Variants in KIAA1549 observed in about 807,000 individuals in gnomAD.
KIAA1549 encodes the protein KIAA1549, also known as UPF0606 protein KIAA1549.
In KIAA1549, 70 loss-of-function variants were observed where a neutral mutation model predicts 156.4. The observed-to-expected ratio is 0.45, with a 90% CI of 0.37 to 0.55. The LOEUF is 0.55. Among genes scored for constraint, KIAA1549 ranks in the 20% least tolerant of loss-of-function variants. The probability of loss-of-function intolerance (pLI) is 0.00; values close to 1 mark genes in which losing one functional copy is unlikely to be tolerated. For missense variants in KIAA1549, 2,428 were observed against 2,540.9 expected (o/e 0.96, Z 0.96); for synonymous variants, 1,103 against 1,066.4 (o/e 1.03, Z -0.67).
intron 12 of KIAA1549, among the ~76,000 whole-genome samples, chr7:138,875,549 G>C (rs927315351): frequency 6.6e-6 from 1 of 152,076 alleles, no homozygotes; most frequent in African/African-American, 2.4e-5. Context: ...GGAGGCTGAG[G>C]TGAGAGGACT....
rs1330143893 is a variant in KIAA1549 at position 138,981,209 on chromosome 7, C to T, written c.61G>A (p.Val21Ile). The change falls in exon 1 of 20, where the codon GTC becomes ATC. Residue 21 changes from valine to isoleucine, a missense_variant. By Grantham distance (29) the Val-to-Ile change is conservative. Transcript: ENST00000422774. The surrounding 1 kb of genome is among the most constrained non-coding windows in gnomAD (Gnocchi z 4.5). Reference sequence around the variant, plus strand: ...CCGCTCGGCCCCGGGGCCAGCGCGACCCCGGCGCGGGGCTTCCCCTCCATG... The same window carrying T: ...CCGCTCGGCCCCGGGGCCAGCGCGATCCCGGCGCGGGGCTTCCCCTCCATG... ...AAMEGKPRAG[V>I]ALAPGPSGRR... 7 of 1,024,654 alleles carry T rather than the reference C, an allele frequency of 6.8e-6. No individual in the cohort carries two copies. The highest frequency in any genetic ancestry group is 1.7e-5 in the African/African-American group (1 of 57,748). 63.5% of individuals were successfully genotyped at this position (1,024,654 alleles called of 1,614,324 possible). A position where few individuals can be genotyped will look rare whatever the true frequency, so the allele number is the denominator to read the frequency against.
At chr7:138,846,689 C>A (rs943535173) in intron 17 of KIAA1549, among the ~76,000 whole-genome samples, 4 of 152,066 alleles carry the variant, frequency 2.6e-5, no homozygotes, top group Admixed American at 2.6e-4. Context: ...CGCCCTCCCC[C>A]AAAAGGGTCT....
At chr7:138,961,570 G>C (rs138508866) in intron 1 of KIAA1549, among the ~76,000 whole-genome samples, 69 of 152,258 alleles carry the variant, frequency 4.5e-4, no homozygotes, top group Non-Finnish European at 7.8e-4. Context: ...ACAGCTTCCT[G>C]CTCTATTCCT....
Position 138,844,326 on chromosome 7 carries a change from C to T in KIAA1549, c.5443G>A (p.Gly1815Ser), listed in dbSNP as rs772074782. Reference protein sequence around the residue: ...PSVARPRPVGGTTGSQIQHLT... With the variant: ...PSVARPRPVGSTTGSQIQHLT... ...AAACAGCCACATATACCTGTGGTAC[C>T]CCCGACAGGCCGAGGCCGGGCCACC... is the stretch of plus-strand genomic sequence containing the variant. Residue 1815 changes from glycine to serine, a missense_variant, in exon 18 of 20, where the codon GGT becomes AGT. Physicochemically the swap from Gly to Ser is moderately conservative, Grantham distance 56. Around this residue, in one of 5 missense-constraint regions of KIAA1549, gnomAD observed 363 missense variants for 354.0 expected, o/e 1.03. Coordinates refer to ENST00000422774, the MANE Select transcript of KIAA1549 (RefSeq NM_001164665.2). 6.2e-7 allele frequency: 1 copy of T among 1,613,942 alleles called. No individual in the cohort carries two copies. The highest frequency in any genetic ancestry group is 8.5e-7 in the Non-Finnish European group (1 of 1,179,880).
At chr7:138,926,309 A>G (rs1415069056) in intron 1 of KIAA1549, among the ~76,000 whole-genome samples, 1 of 150,006 alleles carries the variant, frequency 6.7e-6, no homozygotes, top group East Asian at 1.9e-4. Context: ...TTTTTTTGAG[A>G]CAGGTTTTGT....
intron 11 of KIAA1549, among the ~76,000 whole-genome samples, chr7:138,881,008 C>T (rs964688027): frequency 6.6e-6 from 1 of 152,226 alleles, no homozygotes; most frequent in Non-Finnish European, 1.5e-5. Context: ...ACAGGCTGAG[C>T]GTGTACCATG....
At chr7:138,922,175 G>A (rs77132321) in intron 1 of KIAA1549, among the ~76,000 whole-genome samples, 3 of 152,318 alleles carry the variant, frequency 2.0e-5, no homozygotes, top group East Asian at 3.9e-4. Flanking sequence ...GCTATTGTAC[G>A]AAACGTCATC....
chr7:138,879,481 G>T, intron 12 of KIAA1549, 57 bp downstream of exon 12: 1 of 1,021,708 alleles, frequency 9.8e-7, no homozygotes, highest in Non-Finnish European at 1.5e-6. Flanking sequence ...TAAGGCCCCA[G>T]CCTTTGGACT....
chr7:138,859,091 T>C (rs899637680), intron 16 of KIAA1549, among the ~76,000 whole-genome samples: 2 of 152,038 alleles, frequency 1.3e-5, no homozygotes, highest in Non-Finnish European at 2.9e-5. Context: ...CTCGTAGTTA[T>C]GGAGGCTGGA....
At chr7:138,969,560 G>A (rs984333510) in intron 1 of KIAA1549, among the ~76,000 whole-genome samples, 30 of 152,126 alleles carry the variant, frequency 2.0e-4, no homozygotes, top group African/African-American at 4.8e-4. Context: ...TAGTTGGTAC[G>A]TATATTTATG....
At chr7:138,896,857 T>C (rs1811697789) in intron 9 of KIAA1549, among the ~76,000 whole-genome samples, 1 of 152,078 alleles carries the variant, frequency 6.6e-6, no homozygotes, top group African/African-American at 2.4e-5. Context: ...TGCCTCTATC[T>C]CCCAAAGTGC....
chr7:138,864,474 C>T (rs1458431186), intron 15 of KIAA1549, among the ~76,000 whole-genome samples: 4 of 152,130 alleles, frequency 2.6e-5, no homozygotes, highest in Non-Finnish European at 5.9e-5. Context: ...ATTTTGCAGG[C>T]GAGACTATCA....
At chr7:138,851,138 CT>C (rs1584702438) in intron 17 of KIAA1549, among the ~76,000 whole-genome samples, 1 of 152,072 alleles carries the variant, frequency 6.6e-6, no homozygotes, top group African/African-American at 2.4e-5. Flanking sequence ...TAATCTTTGT[CT>C]TTTAATTGAA....
At position 138,838,119 on chromosome 7, in the gene KIAA1549, TAGC is replaced by T. The variant is rs1276073963; in HGVS notation, c.5637_5639del (p.Leu1880del). 2.0e-6 allele frequency: 3 copies of T among 1,534,714 alleles called. No individual in the cohort carries two copies. Among genetic ancestry groups the T allele is most frequent in the Non-Finnish European group, 2.6e-6 (3 of 1,146,126 alleles). ...TGCCTGAAGTCCTTGGCACCTGAAATAGCGGTGAAGAAGAATACTCTTGATGTC... is the reference window on the plus strand; with the variant it reads ...TGCCTGAAGTCCTTGGCACCTGAAATGGTGAAGAAGAATACTCTTGATGTC... On this transcript the variant is annotated inframe_deletion, in exon 20 of 20. Transcript: ENST00000422774.
chr7:138,963,639 A>G (rs617339), intron 1 of KIAA1549, among the ~76,000 whole-genome samples: 43,653 of 152,182 alleles, frequency 0.29, 7,292 homozygotes, highest in African/African-American at 0.47. Context: ...CTCAAGGGGC[A>G]TATAAAACAA....
At chr7:138,929,038 C>A (rs1254396035) in intron 1 of KIAA1549, among the ~76,000 whole-genome samples, 1 of 152,156 alleles carries the variant, frequency 6.6e-6, no homozygotes, top group African/African-American at 2.4e-5. Context: ...TTGACGGCTG[C>A]TGGCTGATGA....
rs1034441767 is a variant in KIAA1549 at position 138,912,381 on chromosome 7, C to T, written c.2958G>A (p.Val986=). The T allele has an allele frequency of 9.3e-6, 15 of 1,613,484 alleles. 2 individuals are homozygous for T. Among genetic ancestry groups the T allele is most frequent in the East Asian group, 4.5e-5 (2 of 44,874 alleles). The change falls in exon 3 of 20, where the codon GTG becomes GTA. Residue 986 remains valine (V), a synonymous_variant. Transcript: ENST00000422774. ...AGCCACCAGGACTCACCTTCAGTTCCACTGCACGGTTGAAGTGAATCCTCA... is the reference window on the plus strand; with the variant it reads ...AGCCACCAGGACTCACCTTCAGTTCTACTGCACGGTTGAAGTGAATCCTCA... ...EVLRIHFNRA[V]ELKVYELFTD...
intron 6 of KIAA1549, among the ~76,000 whole-genome samples, chr7:138,905,524 G>C (rs978156051): frequency 6.6e-6 from 1 of 152,176 alleles, no homozygotes; most frequent in Admixed American, 6.5e-5. Context: ...AACTGAAAGC[G>C]GCTCTTTGTA....
In KIAA1549 at chr7:138,833,622, G is replaced by A. The variant is rs889348119; in HGVS notation, c.*4284C>T. 4 of 232,380 alleles carry A rather than the reference G, an allele frequency of 1.7e-5. No homozygotes were observed. The highest frequency in any genetic ancestry group is 4.4e-5 in the African/African-American group (2 of 45,278). The allele number at this position is 232,380 out of a possible 1,614,324, so 14.4% of individuals were successfully genotyped here. On this transcript the variant is annotated 3_prime_UTR_variant, in exon 20 of 20. Coordinates refer to ENST00000422774, the MANE Select transcript of KIAA1549 (RefSeq NM_001164665.2). ...ATTAATAAAATTTGGAGAAAAATGTGTAGGTAGCAGTAAAGAAGCTGAATA... is the reference window on the plus strand; with the variant it reads ...ATTAATAAAATTTGGAGAAAAATGTATAGGTAGCAGTAAAGAAGCTGAATA...
Sources: allele counts gnomAD v4.1 joint callset (sites outside exome capture counted in the v4.1 genomes callset), GRCh38; gene constraint gnomAD v4.1.1; regional missense constraint gnomAD v4.1.1; non-coding constraint Gnocchi (gnomAD v3.1); transcripts MANE v1.5; gene names NCBI Gene and HGNC (gene_info 2026-07-23, HGNC 2026-07-21).